Variants in LMNTD2 observed in about 807,000 individuals in gnomAD.
The protein encoded by LMNTD2 is lamin tail domain containing 2.
Under a neutral mutation model 70.1 loss-of-function variants are expected in LMNTD2, and 83 were observed. That is an observed-to-expected ratio of 1.18 (90% CI 0.99 to 1.42). The LOEUF (loss-of-function observed/expected upper bound fraction) is 1.42. Ranked by LOEUF, LMNTD2 falls within the 40% of genes most tolerant of loss-of-function variation. LMNTD2 has a pLI of 0.00. For synonymous variants in LMNTD2, 534 were observed against 406.1 expected (o/e 1.31, Z -3.79); for missense variants, 1,153 against 905.9 (o/e 1.27, Z -3.50).
At chr11:559,117 T>C (rs1853109858) in intron 1 of LMNTD2, 138 bp from the exon 2 acceptor site, 2 of 1,497,300 alleles carry the variant, frequency 1.3e-6, no homozygotes. Context: ...CCACACAGGT[T>C]GGAGCAGCCC....
chr11:555,918 G>A lies in LMNTD2; in HGVS notation c.1390C>T (p.His464Tyr), dbSNP rs1852831756. The A allele has an allele frequency of 1.9e-6, 3 of 1,563,972 alleles. No individual in the cohort carries two copies. The highest frequency in any genetic ancestry group is 1.2e-5 in the South Asian group (1 of 86,536). The part of the protein sequence containing the change: ...LSPKGEVLSE[H>Y]RIPRRETPAP... The stretch of plus-strand genomic sequence containing the variant: ...GGAGTCTCGCGGCGTGGGATCCGGT[G>A]CTCACTGAGGACCTGCGGGGCGCGT... Residue 464 changes from histidine to tyrosine, a missense_variant, in exon 12 of 14, where the codon CAC becomes TAC. Physicochemically the swap from His to Tyr is moderately conservative, Grantham distance 83. Transcript: ENST00000329451.
At chr11:555,701 G>A (rs1277439974) in intron 12 of LMNTD2, 33 bp downstream of exon 12, 2 of 1,372,830 alleles carry the variant, frequency 1.5e-6, no homozygotes, top group East Asian at 3.1e-5. Context: ...GCCTGGGGAG[G>A]GAGGCCAGAT....
rs202207219 is a variant in LMNTD2, at chr11:555,376, G to A, written c.1702C>T (p.Leu568=). Residue 568 remains leucine, a synonymous_variant, in exon 13 of 14, where the codon CTG becomes TTG. Transcript: ENST00000329451. ...CCGGCCTCTGCGGGAGGCGACGGCA[G>A]GGTGGGGTCACCCGGGATGGCGGGC... ...HLPAIPGDPT[L]PSPPAEAGLG... is the part of the protein sequence containing the mutation. 9.6e-4 allele frequency: 1,366 copies of A among 1,417,396 alleles called. 13 individuals are homozygous for A. In the African/African-American group the frequency reaches 0.019, roughly 19 times the overall value. The allele number at this position is 1,417,396 out of a possible 1,614,324, so 87.8% of individuals were successfully genotyped here. A position where few individuals can be genotyped will look rare whatever the true frequency, so the allele number is the denominator to read the frequency against.
chr11:555,242 GGGAGA>G (rs1852762770), intron 13 of LMNTD2, 58 bp downstream of exon 13: 4 of 1,208,636 alleles, frequency 3.3e-6, no homozygotes, highest in African/African-American at 1.6e-5. Context: ...AGGGAGGGGC[GGGAGA>G]GGAGAGGAGG....
In LMNTD2 at chr11:557,959, C is replaced by A. The variant is rs1449619143; in HGVS notation, c.480G>T (p.Gln160His). The change falls in exon 5 of 14, where the codon CAG becomes CAT. Residue 160 changes from glutamine (Q) to histidine (H), a missense_variant. Physicochemically the swap from Gln to His is conservative, Grantham distance 24. Transcript: ENST00000329451. ...GGGCCAGCTGCAGGAGGCAGGACTT[C>A]TGCAAGTTCTGCAGCTCGGCCTCCA... is the stretch of plus-strand genomic sequence containing the variant. ...QEMEAELQNL[Q>H]KSCLLQLARS... 6.3e-7 allele frequency: 1 copy of A among 1,599,528 alleles called. No homozygotes were observed. The highest frequency in any genetic ancestry group is 8.5e-7 in the Non-Finnish European group (1 of 1,172,140).
In LMNTD2 at chr11:555,887, G is replaced by T. The variant is rs760285670; in HGVS notation, c.1421C>A (p.Pro474Gln). 1 of 1,566,056 alleles carries T rather than the reference G, an allele frequency of 6.4e-7. No individual in the cohort carries two copies. Among genetic ancestry groups the T allele is most frequent in the Non-Finnish European group, 8.6e-7 (1 of 1,161,364 alleles). Reference protein sequence around the residue: ...HRIPRRETPAPRVFADGTDLS... With the variant: ...HRIPRRETPAQRVFADGTDLS... Reference sequence around the variant, plus strand: ...GTCGGTGCCGTCGGCGAAGACCCTCGGGGCCGGAGTCTCGCGGCGTGGGAT... The same window carrying T: ...GTCGGTGCCGTCGGCGAAGACCCTCTGGGCCGGAGTCTCGCGGCGTGGGAT... Residue 474 changes from proline to glutamine, a missense_variant, in exon 12 of 14, where the codon CCG becomes CAG. Physicochemically the swap from Pro to Gln is moderately conservative, Grantham distance 76 (BLOSUM62 -1). Coordinates refer to ENST00000329451, the MANE Select transcript of LMNTD2 (RefSeq NM_173573.3).
rs944032835 is a variant in LMNTD2 at position 558,143 on chromosome 11, C to T, written c.399+18G>A. The T allele has an allele frequency of 1.9e-6, 3 of 1,612,488 alleles. No individual in the cohort carries two copies. The highest frequency in any genetic ancestry group is 2.7e-5 in the African/African-American group (2 of 74,940). On this transcript the variant is annotated intron_variant, in intron 4 of 13. Transcript: ENST00000329451. ...CCCAACACCAGGACCCTGCCCACTC[C>T]CTGTGCCCCTGCCTCACCCACTGGG...
At position 559,450 on chromosome 11, in the gene LMNTD2, C is replaced by T. The variant is rs1295674101; in HGVS notation, c.35-471G>A. On this transcript the variant is annotated intron_variant, in intron 1 of 13. Coordinates refer to ENST00000329451, the MANE Select transcript of LMNTD2 (RefSeq NM_173573.3). ...GGGGCTGTTTGTTACCAGGAGCCTC[C>T]AGGGAGACCCCAGACCAGGCCCCTA... 3 of 1,304,656 alleles carry T rather than the reference C, an allele frequency of 2.3e-6. No individual in the cohort carries two copies. The Middle Eastern group carries it at 6.4e-4, about 278-fold the overall frequency. The allele number at this position is 1,304,656 out of a possible 1,614,324, so 80.8% of individuals were successfully genotyped here. A position where few individuals can be genotyped will look rare whatever the true frequency, so the allele number is the denominator to read the frequency against.
rs1360239022 is a variant in LMNTD2 at position 555,089 on chromosome 11, CG to C, written c.1795del (p.Arg599ValfsTer73). 1 of 1,565,240 alleles carries C rather than the reference CG, an allele frequency of 6.4e-7. No individual in the cohort carries two copies. The highest frequency in any genetic ancestry group is 2.5e-5 in the East Asian group (1 of 40,314). ...RVRVCRKSVDRSCPLVALSVQ... is the reference protein window; with the variant it reads ...RVRVCRKSVDXSCPLVALSVQ... ...CGACAGGGCCACCAGGGGGCAGCTA[CG>C]GTCCACGCTCTTCCGGCACACCTGG... is the stretch of plus-strand genomic sequence containing the variant. On this transcript the variant is annotated frameshift_variant, in exon 14 of 14. Coordinates refer to ENST00000329451, the MANE Select transcript of LMNTD2 (RefSeq NM_173573.3). LOFTEE classifies it low-confidence loss of function (END_TRUNC).
rs1852784853 is a variant in LMNTD2, at chr11:555,431, C to A, written c.1647G>T (p.Glu549Asp). 1.4e-6 allele frequency: 2 copies of A among 1,395,514 alleles called. No homozygotes were observed. The highest frequency in any genetic ancestry group is 2.9e-5 in the East Asian group (1 of 33,930). The allele number at this position is 1,395,514 out of a possible 1,614,324, so 86.4% of individuals were successfully genotyped here. The change falls in exon 13 of 14, where the codon GAG (glutamate) becomes GAT (aspartate). Residue 549 changes from glutamate (E) to aspartate (D), a missense_variant. By Grantham distance (45) the Glu-to-Asp change is conservative. Transcript: ENST00000329451. ...GCTGCGGCGCGGGGATCTCGGGGTT[C>A]TCGGGCCGCGCAGGCCCCTCCCGCG... is the stretch of plus-strand genomic sequence containing the variant. The part of the protein sequence containing the change: ...FHAREGPARP[E>D]NPEIPAPQHL...
At position 557,110 on chromosome 11, in the gene LMNTD2, C is replaced by A; in HGVS notation, c.714-13G>T. The stretch of plus-strand genomic sequence containing the variant: ...GGGCCGGGGCTGCCTGTGGACCACG[C>A]TCTGCTTGATGGCCACTCCAGCTCC... On this transcript the variant is annotated splice_polypyrimidine_tract_variant and intron_variant, in intron 7 of 13. Coordinates refer to ENST00000329451, the MANE Select transcript of LMNTD2 (RefSeq NM_173573.3). The A allele has an allele frequency of 6.3e-7, 1 of 1,575,186 alleles. No individual in the cohort carries two copies. The highest frequency in any genetic ancestry group is 1.1e-5 in the South Asian group (1 of 87,422).
intron 12 of LMNTD2, 69 bp downstream of exon 12, chr11:555,665 C>T: frequency 3.8e-6 from 5 of 1,333,268 alleles, no homozygotes; most frequent in Non-Finnish European, 4.8e-6. Flanking sequence ...CGAGGGGATA[C>T]GAGGGACCGT....
chr11:557,384 G>C lies in LMNTD2; in HGVS notation c.713+15C>G, dbSNP rs746815228. ...CCCTTCTGGCCCCTGGGGAGTCCCTGCTCTGTGCAGTTACTTTTGCTTTGA... is the reference window on the plus strand; with the variant it reads ...CCCTTCTGGCCCCTGGGGAGTCCCTCCTCTGTGCAGTTACTTTTGCTTTGA... On this transcript the variant is annotated intron_variant, in intron 7 of 13. Coordinates refer to ENST00000329451, the MANE Select transcript of LMNTD2 (RefSeq NM_173573.3). The C allele has an allele frequency of 6.3e-7, 1 of 1,584,582 alleles. No homozygotes were observed. Among genetic ancestry groups the C allele is most frequent in the Non-Finnish European group, 8.6e-7 (1 of 1,164,684 alleles).
chr11:558,440 C>G, intron 3 of LMNTD2, 174 bp downstream of exon 3: 1 of 1,066,648 alleles, frequency 9.4e-7, no homozygotes. Context: ...TCCACATGCG[C>G]AGGGTTAGGG....
chr11:557,329 C>T (rs1020212317), intron 7 of LMNTD2, 70 bp downstream of exon 7: 375 of 1,509,274 alleles, frequency 2.5e-4, no homozygotes, highest in African/African-American at 5.7e-4. Context: ...CCTTTAGTGT[C>T]CTGCGTCTTC....
In LMNTD2 at chr11:556,293, C is replaced by A. The variant is rs908451473; in HGVS notation, c.1156G>T (p.Asp386Tyr). 2 of 1,535,412 alleles carry A rather than the reference C, an allele frequency of 1.3e-6. No homozygotes were observed. The highest frequency in any genetic ancestry group is 2.7e-5 in the African/African-American group (2 of 73,036). ...TGCTTCAGCACCATGCCGCTCAGGT[C>A]GGCCGTGCTCTCCTGCGACGGGTTG... Reference protein sequence around the residue: ...IFNPSQESTADLSGMVLKQLV... With the variant: ...IFNPSQESTAYLSGMVLKQLV... The change falls in exon 10 of 14, where the codon GAC becomes TAC. Residue 386 changes from aspartate (D) to tyrosine (Y), a missense_variant. Physicochemically the swap from Asp to Tyr is radical, Grantham distance 160. Transcript: ENST00000329451.
chr11:555,200 A>AGCGGAGGGGCGGGGAGGAGT, intron 13 of LMNTD2, 89 bp from the exon 14 acceptor site: 1 of 415,454 alleles, frequency 2.4e-6, no homozygotes, highest in Non-Finnish European at 3.2e-6. Flanking sequence ...CGGGGAGGAG[A>AGCGGAGGGGCGGGGAGGAGT]GCGGAGGGGA....
At chr11:555,554 C>T in intron 12 of LMNTD2, 51 bp from the exon 13 acceptor site, 1 of 1,327,812 alleles carries the variant, frequency 7.5e-7, no homozygotes, top group South Asian at 1.9e-5. Flanking sequence ...AAAGGCGGCC[C>T]TAGAGGGCTC....
At chr11:555,157 G>GGGAAGGGAGGGGAGCGGCGA (rs1554892587) in intron 13 of LMNTD2, 46 bp from the exon 14 acceptor site, 7 of 487,506 alleles carry the variant, frequency 1.4e-5, no homozygotes, top group East Asian at 1.2e-4. Context: ...GGGCGGGGAC[G>GGGAAGGGAGGGGAGCGGCGA]GGAGGGGAGG....
Sources: gnomAD v4.1 joint callset for allele counts on GRCh38, gnomAD v4.1.1 for gene constraint, MANE v1.5 for transcripts, NCBI Gene and HGNC (gene_info 2026-07-23, HGNC 2026-07-21) for gene names.